LRMDA: variants seen among roughly 807,000 people sequenced by gnomAD.
The protein encoded by LRMDA is leucine rich melanocyte differentiation associated, also known as leucine-rich melanocyte differentiation-associated protein.
A neutral mutation model predicts 29.8 loss-of-function variants in LRMDA; 18 were observed. The observed-to-expected ratio is 0.60, with a 90% CI of 0.42 to 0.90. LRMDA has a LOEUF of 0.90. Among genes scored for constraint, LRMDA ranks in the 40% least tolerant of loss-of-function variants. LRMDA has a pLI of 0.00. For synonymous variants in LRMDA, 125 were observed against 109.4 expected (o/e 1.14, Z -0.89); for missense variants, 273 against 273.9 (o/e 1.00, Z 0.02).
intron 6 of LRMDA, among the ~76,000 whole-genome samples, chr10:76,532,441 A>AT (rs1233845651): frequency 6.6e-6 from 1 of 152,202 alleles, no homozygotes; most frequent in African/African-American, 2.4e-5. Context: ...TTGGAACCAT[A>AT]TTTTGAATTG....
intron 6 of LRMDA, among the ~76,000 whole-genome samples, chr10:76,455,124 G>T (rs1373800694): frequency 6.6e-6 from 1 of 152,134 alleles, no homozygotes; most frequent in Non-Finnish European, 1.5e-5. Context: ...GTTTATAGAA[G>T]AAATTGTCTC....
chr10:76,275,060 T>C (rs962549262), intron 5 of LRMDA, among the ~76,000 whole-genome samples: 4 of 152,280 alleles, frequency 2.6e-5, no homozygotes, highest in African/African-American at 9.6e-5. Flanking sequence ...CTTTCTTCTA[T>C]CTTTTTCAAA....
intron 5 of LRMDA, among the ~76,000 whole-genome samples, chr10:76,164,086 C>CT (rs1409062379): frequency 3.3e-5 from 5 of 152,082 alleles, no homozygotes; most frequent in Non-Finnish European, 7.4e-5. Context: ...AGAACCAAGT[C>CT]TGGAAGCCTC....
In LRMDA at chr10:76,005,639, T is replaced by A. The variant is rs528668691; in HGVS notation, c.132-30369T>A. On this transcript the variant is annotated intron_variant, in intron 2 of 6. Transcript: ENST00000611255. Reference sequence around the variant, plus strand: ...TAAATAAGTAAATACCTAAAAAAAATAAATAAATGGGCCAGGCGCGGTGGC... The same window carrying A: ...TAAATAAGTAAATACCTAAAAAAAAAAAATAAATGGGCCAGGCGCGGTGGC... Among the ~76,000 whole-genome samples, 318 of 151,094 alleles carry A rather than the reference T, an allele frequency of 2.1e-3. 3 individuals carry two copies. Among genetic ancestry groups the A allele is most frequent in the African/African-American group, 7.6e-3 (314 of 41,104 alleles).
At chr10:76,289,815 G>A (rs941372376) in intron 5 of LRMDA, among the ~76,000 whole-genome samples, 1 of 152,182 alleles carries the variant, frequency 6.6e-6, no homozygotes, top group East Asian at 1.9e-4. Flanking sequence ...TCGAGCATCT[G>A]ATGGTGCCAG....
chr10:75,717,419 G>A (rs1300568285), intron 2 of LRMDA, among the ~76,000 whole-genome samples: 1 of 152,224 alleles, frequency 6.6e-6, no homozygotes, highest in Admixed American at 6.5e-5. Flanking sequence ...GCAACAGAAG[G>A]CTTGAGCACA....
At chr10:76,532,782 A>G (rs1383928449) in intron 6 of LRMDA, among the ~76,000 whole-genome samples, 2 of 152,234 alleles carry the variant, frequency 1.3e-5, no homozygotes, top group Admixed American at 6.5e-5. Context: ...AGCTTTTCCT[A>G]GGGTTAGAAC....
chr10:75,557,644 A>C (rs547782654), intron 2 of LRMDA, among the ~76,000 whole-genome samples: 1 of 152,174 alleles, frequency 6.6e-6, no homozygotes, highest in East Asian at 1.9e-4. Context: ...GAGAGCCACA[A>C]CTGGCTCTCC....
intron 5 of LRMDA, among the ~76,000 whole-genome samples, chr10:76,263,850 C>A (rs1589400511): frequency 6.6e-6 from 1 of 152,300 alleles, no homozygotes; most frequent in Admixed American, 6.5e-5. Context: ...CCTCTGTCAA[C>A]TCTGATGTCT....
chr10:75,672,619 C>T (rs1347228732), intron 2 of LRMDA, among the ~76,000 whole-genome samples: 1 of 125,434 alleles, frequency 8.0e-6, no homozygotes, highest in African/African-American at 3.0e-5. Flanking sequence ...CAGCGTCTCA[C>T]TCTGCTGCCC....
intron 5 of LRMDA, among the ~76,000 whole-genome samples, chr10:76,298,599 G>A (rs547907687): frequency 2.0e-5 from 3 of 152,148 alleles, no homozygotes; most frequent in Admixed American, 6.5e-5. Context: ...ATGACGTGCC[G>A]TGCAACCCTA....
Position 76,177,665 on chromosome 10 carries a change from A to T in LRMDA, c.516+118882A>T, listed in dbSNP as rs528233468. Among the ~76,000 whole-genome samples, 354 of 152,304 alleles carry T rather than the reference A, an allele frequency of 2.3e-3. 3 individuals are homozygous for T. The highest frequency in any genetic ancestry group is 7.9e-3 in the African/African-American group (330 of 41,572). ...TTTGTCTTATTTTAATATTGGCTGG[A>T]TTAGTAACCATTTTGCTCCTTTTGC... On this transcript the variant is annotated intron_variant, in intron 5 of 6. Transcript: ENST00000611255.
intron 2 of LRMDA, among the ~76,000 whole-genome samples, chr10:76,005,613 A>G (rs1419987475): frequency 6.6e-6 from 1 of 151,976 alleles, no homozygotes; most frequent in Admixed American, 6.6e-5. Flanking sequence ...ATCTCTAAAA[A>G]TAAATAAGTA....
intron 2 of LRMDA, among the ~76,000 whole-genome samples, chr10:75,545,677 C>A (rs534055244): frequency 6.6e-6 from 1 of 152,146 alleles, no homozygotes; most frequent in South Asian, 2.1e-4. Context: ...GGGAGATTAC[C>A]CAAAATGATG....
intron 6 of LRMDA, among the ~76,000 whole-genome samples, chr10:76,553,436 C>G (rs1181064323): frequency 2.6e-5 from 4 of 152,202 alleles, no homozygotes; most frequent in Admixed American, 2.6e-4. Flanking sequence ...GCCTCCCCAT[C>G]AAAATGTTCT....
intron 2 of LRMDA, among the ~76,000 whole-genome samples, chr10:75,583,346 C>T (rs543482700): frequency 6.6e-6 from 1 of 152,274 alleles, no homozygotes; most frequent in East Asian, 1.9e-4. Flanking sequence ...AGCACAGCAG[C>T]TTCCATTTCT....
rs117746410 is a variant in LRMDA at position 75,687,766 on chromosome 10, G to A, written c.131+249272G>A. ...GGAGAAGTGAATGCCTGGCTTCAAA[G>A]CATCAGAGGACAGGCTGATTCTCTT... On this transcript the variant is annotated intron_variant, in intron 2 of 6. Transcript: ENST00000611255. 7.3e-3 allele frequency among the ~76,000 whole-genome samples: 1,119 copies of A among 152,314 alleles called. 5 individuals are homozygous for A. Among genetic ancestry groups the A allele is most frequent in the Non-Finnish European group, 0.013 (892 of 68,028 alleles).
At chr10:76,550,498 C>T (rs1166471506) in intron 6 of LRMDA, among the ~76,000 whole-genome samples, 1 of 150,102 alleles carries the variant, frequency 6.7e-6, no homozygotes, top group Non-Finnish European at 1.5e-5. Context: ...CCCCCGGCCC[C>T]CATGGTGCAA....
At position 75,673,025 on chromosome 10, in the gene LRMDA, A is replaced by T. The variant is rs192413172; in HGVS notation, c.131+234531A>T. 7.7e-4 allele frequency among the ~76,000 whole-genome samples: 117 copies of T among 151,812 alleles called. 1 individual carries two copies. Among genetic ancestry groups the T allele is most frequent in the Admixed American group, 1.3e-4 (2 of 15,248 alleles). On this transcript the variant is annotated intron_variant, in intron 2 of 6. Transcript: ENST00000611255. ...TTAAGAAAGTGAATGATGTCATCATAGGAATGATGCAGAGAGTCAGCCCAG... is the reference window on the plus strand; with the variant it reads ...TTAAGAAAGTGAATGATGTCATCATTGGAATGATGCAGAGAGTCAGCCCAG...
Sources: allele counts gnomAD v4.1 joint callset (sites outside exome capture counted in the v4.1 genomes callset), GRCh38; gene constraint gnomAD v4.1.1; transcripts MANE v1.5; gene names NCBI Gene and HGNC (gene_info 2026-07-23, HGNC 2026-07-21).